PXMP2: variants seen among roughly 807,000 people sequenced by gnomAD.
The protein encoded by PXMP2 is 22 kDa peroxisomal membrane protein.
A neutral mutation model predicts 20.2 loss-of-function variants in PXMP2; 13 were observed. That is an observed-to-expected ratio of 0.64 (90% CI 0.42 to 1.02). The LOEUF (loss-of-function observed/expected upper bound fraction) is 1.02, where lower values mean the gene tolerates loss of function less well. Ranked by LOEUF, PXMP2 falls within the 50% of genes least tolerant of loss-of-function variation. The pLI is 0.00. For missense variants in PXMP2, 284 were observed against 251.8 expected, an observed-to-expected ratio of 1.13 and a Z score of -0.87; for synonymous variants, 113 against 111.2, an observed-to-expected ratio of 1.02 and a Z score of -0.10.
At chr12:132,704,089 C>T (rs2043457054) in intron 4 of PXMP2, among the ~76,000 whole-genome samples, 1 of 152,176 alleles carries the variant, frequency 6.6e-6, no homozygotes, top group Non-Finnish European at 1.5e-5. Flanking sequence ...CGGCGATTAA[C>T]CAGACACATG....
intron 1 of PXMP2, among the ~76,000 whole-genome samples, chr12:132,689,288 G>A (rs1288756747): frequency 1.3e-5 from 2 of 151,876 alleles, no homozygotes; most frequent in Non-Finnish European, 2.9e-5. Flanking sequence ...GCGAGTCTGC[G>A]GGGCGCGGGT....
In PXMP2 at chr12:132,701,264, A is replaced by T; in HGVS notation, c.414A>T (p.Ser138=). ...CTCCTTTGCAGGGGAAAGACGCCTC[A>T]GCCTTCGCCGCCAAGATGAGGGGGG... The part of the protein sequence containing the change: ...IMNFLEGKDA[S]AFAAKMRGGF... The change falls in exon 4 of 5, where the codon TCA becomes TCT. Residue 138 remains serine (S), a synonymous_variant. Coordinates refer to ENST00000317479, the MANE Select transcript of PXMP2 (RefSeq NM_018663.3). 2 of 1,613,614 alleles carry T rather than the reference A, an allele frequency of 1.2e-6. No individual in the cohort carries two copies. The highest frequency in any genetic ancestry group is 1.7e-6 in the Non-Finnish European group (2 of 1,179,930).
intron 3 of PXMP2, among the ~76,000 whole-genome samples, chr12:132,700,898 C>T (rs1002130291): frequency 6.9e-6 from 1 of 145,524 alleles, no homozygotes; most frequent in African/African-American, 2.6e-5. Context: ...GGAAAGACAT[C>T]GACTTTGGAG....
Position 132,687,626 on chromosome 12 carries a change from C to A in PXMP2, c.-45C>A. 8.6e-7 allele frequency: 1 copy of A among 1,159,830 alleles called. No individual in the cohort carries two copies. The highest frequency in any genetic ancestry group is 1.1e-6 in the Non-Finnish European group (1 of 942,442). 71.8% of individuals were successfully genotyped at this position (1,159,830 alleles called of 1,614,324 possible). ...GCCTCGGGCTCCGCGCCCGGCCAGC[C>A]TGAGGTGGGGTCGGTGCCCCCGGCG... On this transcript the variant is annotated 5_prime_UTR_variant, in exon 1 of 5. It adds an upstream start codon to the 5' untranslated region. Transcript: ENST00000317479.
At chr12:132,704,431 C>G (rs1379190919) in intron 4 of PXMP2, among the ~76,000 whole-genome samples, 188 bp from the exon 5 acceptor site, 1 of 152,122 alleles carries the variant, frequency 6.6e-6, no homozygotes, top group African/African-American at 2.4e-5. Context: ...TTTTTCTTCT[C>G]CACTCCTCTC....
At chr12:132,689,362 T>C (rs973860460) in intron 1 of PXMP2, among the ~76,000 whole-genome samples, 3 of 152,134 alleles carry the variant, frequency 2.0e-5, no homozygotes, top group African/African-American at 4.8e-5. Flanking sequence ...TTGAACAGGC[T>C]GTGTAAAGAA....
Position 132,704,633 on chromosome 12 carries a change from C to G in PXMP2, c.534C>G (p.Phe178Leu). 1 of 1,462,472 alleles carries G rather than the reference C, an allele frequency of 6.8e-7. No homozygotes were observed. Among genetic ancestry groups the G allele is most frequent in the East Asian group, 2.6e-5 (1 of 38,532 alleles). 90.6% of individuals were successfully genotyped at this position (1,462,472 alleles called of 1,614,324 possible). A position where few individuals can be genotyped will look rare whatever the true frequency, so the allele number is the denominator to read the frequency against. Reference sequence around the variant, plus strand: ...CTTTTCGGCAGTTCCGGGTGCTCTTCGCCAACCTGGCAGCTCTGTTCTGGT... The same window carrying G: ...CTTTTCGGCAGTTCCGGGTGCTCTTGGCCAACCTGGCAGCTCTGTTCTGGT... ...NYVPLKFRVL[F>L]ANLAALFWYA... Residue 178 changes from phenylalanine (F) to leucine (L), a missense_variant, in exon 5 of 5, where the codon TTC (phenylalanine) becomes TTG (leucine). By Grantham distance (22) the Phe-to-Leu change is conservative (BLOSUM62 0). Transcript: ENST00000317479.
In PXMP2 at chr12:132,704,680, G is replaced by A; in HGVS notation, c.581G>A (p.Gly194Glu). Residue 194 changes from glycine to glutamate, a missense_variant, in exon 5 of 5, where the codon GGG (glycine) becomes GAG (glutamate). Transcript: ENST00000317479. Reference sequence around the variant, plus strand: ...TGGTATGCCTACCTGGCCTCCTTGGGGAAGTGACGACCGCTGGGAGAACAT... The same window carrying A: ...TGGTATGCCTACCTGGCCTCCTTGGAGAAGTGACGACCGCTGGGAGAACAT... ...LFWYAYLASLGK is the reference protein window; with the variant it reads ...LFWYAYLASLEK 6.4e-7 allele frequency: 1 copy of A among 1,565,180 alleles called. No homozygotes were observed. The highest frequency in any genetic ancestry group is 2.4e-5 in the East Asian group (1 of 42,514).
chr12:132,701,575 G>C (rs1053009085), intron 4 of PXMP2: 4 of 653,474 alleles, frequency 6.1e-6, no homozygotes, highest in Non-Finnish European at 7.4e-6. Flanking sequence ...ATCATTGCTA[G>C]TTCGGGATTC....
At chr12:132,695,038 A>AGCCAGTTAGTTAGTGAGTGCCCTT (rs1565991671) in intron 2 of PXMP2, among the ~76,000 whole-genome samples, 122 of 129,534 alleles carry the variant, frequency 9.4e-4, no homozygotes, top group African/African-American at 3.6e-3. Context: ...GAGCTCCCTT[A>AGCCAGTTAGTTAGTGAGTGCCCTT]GCCAGTTAGT....
At chr12:132,697,142 C>T (rs1172671305) in intron 3 of PXMP2, among the ~76,000 whole-genome samples, 1 of 151,560 alleles carries the variant, frequency 6.6e-6, no homozygotes, top group African/African-American at 2.4e-5. Flanking sequence ...AAAAATGAGC[C>T]AGTGTGGTGA....
At chr12:132,694,640 T>TGCCAGTTAGTTAGTGAGCTCCCTTA (rs1165869821) in intron 2 of PXMP2, among the ~76,000 whole-genome samples, 5 of 118,592 alleles carry the variant, frequency 4.2e-5, no homozygotes, top group Non-Finnish European at 8.7e-5. Flanking sequence ...AGAGCTCCCT[T>TGCCAGTTAGTTAGTGAGCTCCCTTA]GCCAGTTAGT....
At chr12:132,701,471 C>A (rs1319458178) in intron 4 of PXMP2, 102 bp downstream of exon 4, 6 of 1,378,318 alleles carry the variant, frequency 4.4e-6, no homozygotes, top group Non-Finnish European at 5.7e-6. Flanking sequence ...CTCTTCTTTT[C>A]TCTTCTCTTC....
chr12:132,696,706 A>C lies in PXMP2; in HGVS notation c.399+660A>C, dbSNP rs528039855. 6.6e-6 allele frequency among the ~76,000 whole-genome samples: 1 copy of C among 152,286 alleles called. No homozygotes were observed. The highest frequency in any genetic ancestry group is 2.1e-4 in the South Asian group (1 of 4,832). ...TCCCAGCTACTTGGGAGGCTGAGGC[A>C]GGAGAATGGCGTGAACCCGGGAGGT... On this transcript the variant is annotated intron_variant, in intron 3 of 4. Coordinates refer to ENST00000317479, the MANE Select transcript of PXMP2 (RefSeq NM_018663.3). The surrounding 1 kb of genome is among the most constrained non-coding windows in gnomAD (Gnocchi z 4.4).
chr12:132,702,692 G>A (rs190425945), intron 4 of PXMP2: 196 of 177,210 alleles, frequency 1.1e-3, no homozygotes, highest in Admixed American at 3.6e-3. Flanking sequence ...AACAGTCCAG[G>A]CACAGGGCAG....
intron 1 of PXMP2, 43 bp downstream of exon 1, chr12:132,687,835 T>C: frequency 9.0e-7 from 1 of 1,116,216 alleles, no homozygotes; most frequent in Non-Finnish European, 1.1e-6. Flanking sequence ...CGGCCCCAGG[T>C]CGGCCGCAGC....
chr12:132,701,660 G>A (rs2043442809), intron 4 of PXMP2: 2 of 392,160 alleles, frequency 5.1e-6, no homozygotes, highest in South Asian at 2.8e-5. Flanking sequence ...CTCATTAAAA[G>A]CCCCCATGCC....
chr12:132,693,129 T>G (rs1173477811), intron 2 of PXMP2, among the ~76,000 whole-genome samples: 1 of 12,198 alleles, frequency 8.2e-5, no homozygotes, highest in Non-Finnish European at 2.3e-4. Flanking sequence ...GTTAGTGAGC[T>G]CCCTTAGCCA....
intron 1 of PXMP2, chr12:132,688,098 C>G (rs1373392413): frequency 5.2e-6 from 1 of 191,306 alleles, no homozygotes; most frequent in Non-Finnish European, 1.1e-5. Context: ...GGGGAAGCCA[C>G]GGCAAGGGGA....
Sources: allele counts gnomAD v4.1 joint callset (sites outside exome capture counted in the v4.1 genomes callset), GRCh38; gene constraint gnomAD v4.1.1; non-coding constraint Gnocchi (gnomAD v3.1); transcripts MANE v1.5; gene names NCBI Gene and HGNC (gene_info 2026-07-23, HGNC 2026-07-21).